The following ST3GAL4 variants were observed in gnomAD, a reference collection of about 807,000 sequenced individuals.
ST3GAL4 encodes CMP-N-acetylneuraminate-beta-galactosamide-alpha-2,3-sialyltransferase 4.
ST3GAL4 carries 24 observed loss-of-function variants against 42.6 expected under a neutral mutation model. That is an observed-to-expected ratio of 0.56 (90% confidence interval 0.41 to 0.79). The LOEUF (loss-of-function observed/expected upper bound fraction) is 0.79. Among genes scored for constraint, ST3GAL4 ranks in the 30% least tolerant of loss-of-function variants. The pLI, the probability that ST3GAL4 is intolerant of heterozygous loss-of-function variation, is 0.00. For missense variants in ST3GAL4, 311 were observed against 430.8 expected (o/e 0.72, Z 2.46); for synonymous variants, 135 against 163.2 (o/e 0.83, Z 1.32).
At position 126,411,459 on chromosome 11, in the gene ST3GAL4, C is replaced by T. The variant is rs953088633; in HGVS notation, c.772-2046C>T. On this transcript the variant is annotated intron_variant, in intron 9 of 10. Transcript: ENST00000444328. The surrounding 1 kb of genome is among the most constrained non-coding windows in gnomAD (Gnocchi z 6.3). ...GGCCTGTATTAGCTTTCTGTTGCTC[C>T]CTAACTAATACCACAAGTTTAGCCG... 2.6e-5 allele frequency among the ~76,000 whole-genome samples: 4 copies of T among 152,050 alleles called. No homozygotes were observed. Among genetic ancestry groups the T allele is most frequent in the Non-Finnish European group, 4.4e-5 (3 of 68,034 alleles).
At chr11:126,371,394 A>T (rs1381048003) in intron 1 of ST3GAL4, among the ~76,000 whole-genome samples, 1 of 150,632 alleles carries the variant, frequency 6.6e-6, no homozygotes, top group Non-Finnish European at 1.5e-5. Flanking sequence ...CAAACTCCTG[A>T]CCTCATGATC....
At chr11:126,407,709 A>ACC in intron 6 of ST3GAL4, 75 bp downstream of exon 6, 2 of 975,782 alleles carry the variant, frequency 2.0e-6, no homozygotes. Flanking sequence ...CCCACTCCCC[A>ACC]CCCCCCCGCT....
rs1487230656 is a variant in ST3GAL4 at position 126,383,536 on chromosome 11, T to TG, written c.-60-22554dup. On this transcript the variant is annotated intron_variant, in intron 1 of 10. Coordinates refer to ENST00000444328, the MANE Select transcript of ST3GAL4 (RefSeq NM_001254757.2). The surrounding 1 kb of genome is among the most constrained non-coding windows in gnomAD (Gnocchi z 4.5). ...AAGCCCCGGAAGCTGTATGTGGGCATGGGGGGCGGGGGCAGAGAGGAGGAG... is the reference window on the plus strand; with the variant it reads ...AAGCCCCGGAAGCTGTATGTGGGCATGGGGGGGCGGGGGCAGAGAGGAGGAG... Among the ~76,000 whole-genome samples the TG allele has an allele frequency of 1.3e-5, 2 of 151,614 alleles. No individual in the cohort carries two copies. The highest frequency in any genetic ancestry group is 3.9e-4 in the East Asian group (2 of 5,130).
At position 126,406,044 on chromosome 11, in the gene ST3GAL4, A is replaced by T. The variant is rs966712112; in HGVS notation, c.-60-52A>T. The T allele has an allele frequency of 6.5e-7, 1 of 1,543,016 alleles. No individual in the cohort carries two copies. Among genetic ancestry groups the T allele is most frequent in the Non-Finnish European group, 8.8e-7 (1 of 1,140,012 alleles). ...GTGGGTGTGTCCTGCTCCAGTGTCT[A>T]GGCAGGAGAGTTTGTGAAGCTGACC... On this transcript the variant is annotated intron_variant, in intron 1 of 10. Transcript: ENST00000444328. This position sits in a 1 kb window ranked among gnomAD's most constrained non-coding sequence, Gnocchi z 5.4.
At chr11:126,374,454 CAA>C (rs869295718) in intron 1 of ST3GAL4, among the ~76,000 whole-genome samples, 170 of 63,208 alleles carry the variant, frequency 2.7e-3, no homozygotes, top group Middle Eastern at 0.019. Flanking sequence ...ACTTTGTCTC[CAA>C]AAAAAAAAAA....
chr11:126,378,625 T>G lies in ST3GAL4; in HGVS notation c.-61+22783T>G, dbSNP rs1376563506. 1.3e-5 allele frequency among the ~76,000 whole-genome samples: 2 copies of G among 152,176 alleles called. No individual in the cohort carries two copies. The highest frequency in any genetic ancestry group is 1.3e-4 in the Admixed American group (2 of 15,274). On this transcript the variant is annotated intron_variant, in intron 1 of 10. Coordinates refer to ENST00000444328, the MANE Select transcript of ST3GAL4 (RefSeq NM_001254757.2). The surrounding 1 kb of genome is among the most constrained non-coding windows in gnomAD (Gnocchi z 5.3). ...GGTTTCACCGTGTTAGCCAGGATGGTCTCGATCTCCTGACCTCGTGATCCA... is the reference window on the plus strand; with the variant it reads ...GGTTTCACCGTGTTAGCCAGGATGGGCTCGATCTCCTGACCTCGTGATCCA...
At chr11:126,387,284 TC>T (rs1172466483) in intron 1 of ST3GAL4, among the ~76,000 whole-genome samples, 6 of 152,234 alleles carry the variant, frequency 3.9e-5, no homozygotes, top group Non-Finnish European at 7.3e-5. Flanking sequence ...TGATGGTTGG[TC>T]CAGAATTCAC....
intron 1 of ST3GAL4, among the ~76,000 whole-genome samples, chr11:126,404,623 G>A (rs1040024204): frequency 1.1e-4 from 16 of 152,318 alleles, no homozygotes; most frequent in Middle Eastern, 6.8e-3. Context: ...AAGAGCTGTC[G>A]GGGGAGTTAC....
chr11:126,365,232 T>TGG (rs772381642), intron 1 of ST3GAL4, among the ~76,000 whole-genome samples: 1 of 148,056 alleles, frequency 6.8e-6, no homozygotes, highest in African/African-American at 2.5e-5. Context: ...CAGGCTTCCT[T>TGG]GGGAAGAGCC....
chr11:126,409,517 C>T lies in ST3GAL4; in HGVS notation c.771+106C>T, dbSNP rs1340574659. 37 of 1,486,592 alleles carry T rather than the reference C, an allele frequency of 2.5e-5. No homozygotes were observed. Among genetic ancestry groups the T allele is most frequent in the African/African-American group, 1.1e-4 (8 of 71,732 alleles). The allele number at this position is 1,486,592 out of a possible 1,614,324, so 92.1% of individuals were successfully genotyped here. A position where few individuals can be genotyped will look rare whatever the true frequency, so the allele number is the denominator to read the frequency against. On this transcript the variant is annotated intron_variant, in intron 9 of 10. Transcript: ENST00000444328. The surrounding 1 kb of genome is among the most constrained non-coding windows in gnomAD (Gnocchi z 4.9). ...TGGAAGGATCCCATAACAGAGGCGG[C>T]GGTTTGCATTTTCCCTCCAGGAACA...
At chr11:126,380,518 A>G (rs983404357) in intron 1 of ST3GAL4, among the ~76,000 whole-genome samples, 1 of 152,228 alleles carries the variant, frequency 6.6e-6, no homozygotes, top group African/African-American at 2.4e-5. Flanking sequence ...TGTTCTTGCC[A>G]TAAAGGTCGG....
intron 1 of ST3GAL4, among the ~76,000 whole-genome samples, chr11:126,360,598 A>G (rs776216262): frequency 3.9e-5 from 6 of 151,972 alleles, no homozygotes; most frequent in Non-Finnish European, 7.4e-5. Flanking sequence ...TAATTTTTGT[A>G]CTTTTAGTAG....
At chr11:126,358,262 G>A (rs1390211263) in intron 1 of ST3GAL4, among the ~76,000 whole-genome samples, 1 of 152,224 alleles carries the variant, frequency 6.6e-6, no homozygotes, top group Non-Finnish European at 1.5e-5. Flanking sequence ...TTTAGCTCCC[G>A]CTCCGTGTTT....
intron 1 of ST3GAL4, among the ~76,000 whole-genome samples, chr11:126,394,975 A>AT (rs1282091032): frequency 6.6e-6 from 1 of 152,046 alleles, no homozygotes; most frequent in Non-Finnish European, 1.5e-5. Context: ...CATGACCCTG[A>AT]GGCAGTTAGC....
At chr11:126,401,274 A>T (rs1196418901) in intron 1 of ST3GAL4, among the ~76,000 whole-genome samples, 12 of 152,130 alleles carry the variant, frequency 7.9e-5, no homozygotes. Flanking sequence ...CGAGAATGCC[A>T]GCATTTAAAG....
rs1171428069 is a variant in ST3GAL4 at position 126,406,170 on chromosome 11, C to T, written c.15C>T (p.Ser5=). The T allele has an allele frequency of 5.1e-6, 8 of 1,557,832 alleles. No homozygotes were observed. The East Asian group carries it at 1.5e-4, about 28-fold the overall frequency. Residue 5 remains serine (S), a splice_region_variant and synonymous_variant, in exon 2 of 11, where the codon TCC becomes TCT. Transcript: ENST00000444328. This position sits in a 1 kb window ranked among gnomAD's most constrained non-coding sequence, Gnocchi z 5.4. ...TGCTGAGAAACATGGTCAGCAAGTC[C>T]CGTGAGTGTCATCCGAGGGCTCCCC... MVSK[S]RWKLLAMLAL...
chr11:126,406,710 T>G lies in ST3GAL4; in HGVS notation c.101+153T>G. 2 of 830,320 alleles carry G rather than the reference T, an allele frequency of 2.4e-6. No individual in the cohort carries two copies. Among genetic ancestry groups the G allele is most frequent in the Non-Finnish European group, 3.6e-6 (2 of 558,210 alleles). The allele number at this position is 830,320 out of a possible 1,614,324, so 51.4% of individuals were successfully genotyped here. ...CAGCTGCTGGTACGGAGTGTTTCCA[T>G]GAGGGTGGGTGGGGGTAGGGCCTGG... On this transcript the variant is annotated intron_variant, in intron 3 of 10. Coordinates refer to ENST00000444328, the MANE Select transcript of ST3GAL4 (RefSeq NM_001254757.2). The surrounding 1 kb of genome is among the most constrained non-coding windows in gnomAD (Gnocchi z 5.4).
intron 1 of ST3GAL4, among the ~76,000 whole-genome samples, chr11:126,380,079 T>C (rs1952941614): frequency 6.6e-6 from 1 of 151,730 alleles, no homozygotes; most frequent in Non-Finnish European, 1.5e-5. Context: ...CTGGCCAACA[T>C]GGTGAAACCC....
rs1954544208 is a variant in ST3GAL4, at chr11:126,411,876, G to A, written c.772-1629G>A. ...CCGGATTTAAAGGTTCAGGTAATTA[G>A]GTCAAGCTCAGCAGGACAGCCTCTC... On this transcript the variant is annotated intron_variant, in intron 9 of 10. Transcript: ENST00000444328. This position sits in a 1 kb window ranked among gnomAD's most constrained non-coding sequence, Gnocchi z 6.3. 6.6e-6 allele frequency among the ~76,000 whole-genome samples: 1 copy of A among 152,062 alleles called. No individual in the cohort carries two copies. Among genetic ancestry groups the A allele is most frequent in the Admixed American group, 6.6e-5 (1 of 15,254 alleles).
Sources: gnomAD v4.1 joint callset for allele counts (sites outside exome capture counted in the v4.1 genomes callset) on GRCh38, gnomAD v4.1.1 for gene constraint, Gnocchi (gnomAD v3.1) non-coding constraint, MANE v1.5 for transcripts, NCBI Gene and HGNC (gene_info 2026-07-23, HGNC 2026-07-21) for gene names.